Variants in TANGO6 observed in about 807,000 individuals in gnomAD.
TANGO6 encodes the protein transport and golgi organization 6 homolog.
In TANGO6, 90 loss-of-function variants were observed where a neutral mutation model predicts 114.2. That is an observed-to-expected ratio of 0.79 (90% CI 0.66 to 0.94). TANGO6 has a LOEUF of 0.94. TANGO6 is among the 40% of genes least tolerant of loss of function. The probability of loss-of-function intolerance (pLI) is 0.00; values close to 1 mark genes in which losing one functional copy is unlikely to be tolerated. For missense variants in TANGO6, 1,274 were observed against 1,315.3 expected (o/e 0.97, Z 0.49); for synonymous variants, 477 against 509.8 (o/e 0.94, Z 0.87).
chr16:69,076,796 G>A (rs1960386673), intron 17 of TANGO6, among the ~76,000 whole-genome samples: 1 of 152,132 alleles, frequency 6.6e-6, no homozygotes, highest in African/African-American at 2.4e-5. Flanking sequence ...AGATGCAAAT[G>A]CTCTGGCAAA....
chr16:68,861,053 C>T (rs1424819919), intron 2 of TANGO6, among the ~76,000 whole-genome samples: 3 of 152,182 alleles, frequency 2.0e-5, no homozygotes, highest in Admixed American at 6.5e-5. Flanking sequence ...TGCTGTCACT[C>T]AGTCCAGTAA....
At chr16:69,054,641 C>G (rs1416393618) in intron 17 of TANGO6, among the ~76,000 whole-genome samples, 2 of 151,978 alleles carry the variant, frequency 1.3e-5, no homozygotes, top group African/African-American at 2.4e-5. Flanking sequence ...AGTATCAAAA[C>G]TTTTGTTGCT....
chr16:68,867,370 C>A, intron 4 of TANGO6, 150 bp downstream of exon 4: 1 of 938,696 alleles, frequency 1.1e-6, no homozygotes, highest in Non-Finnish European at 1.6e-6. Context: ...AACTTAGAGG[C>A]CGTTAATGAG....
chr16:69,044,187 C>T (rs957259617), intron 17 of TANGO6, among the ~76,000 whole-genome samples: 10 of 152,162 alleles, frequency 6.6e-5, no homozygotes, highest in African/African-American at 2.4e-4. Flanking sequence ...GCTTCGGCCT[C>T]CCGAGTAGCT....
At chr16:68,971,734 C>G (rs977039772) in intron 14 of TANGO6, among the ~76,000 whole-genome samples, 7 of 151,720 alleles carry the variant, frequency 4.6e-5, no homozygotes, top group African/African-American at 1.7e-4. Flanking sequence ...GGGGTTCAAG[C>G]GATTCTCCTG....
At chr16:69,029,706 A>G (rs1198333072) in intron 16 of TANGO6, among the ~76,000 whole-genome samples, 1 of 152,180 alleles carries the variant, frequency 6.6e-6, no homozygotes, top group African/African-American at 2.4e-5. Context: ...AGGAGGTGAC[A>G]TTCTAGTAAA....
At chr16:68,865,011 CT>C (rs1173991090) in intron 3 of TANGO6, among the ~76,000 whole-genome samples, 1 of 151,316 alleles carries the variant, frequency 6.6e-6, no homozygotes, top group Non-Finnish European at 1.5e-5. Context: ...GGCGTGGTGG[CT>C]CACCCCTGTA....
chr16:68,925,834 C>A (rs1963159478), intron 12 of TANGO6, among the ~76,000 whole-genome samples: 2 of 149,508 alleles, frequency 1.3e-5, no homozygotes, highest in Admixed American at 1.3e-4. Flanking sequence ...CATGTGCATG[C>A]CAGTTGTTCC....
chr16:68,930,930 C>T (rs899797531), intron 14 of TANGO6, among the ~76,000 whole-genome samples: 1 of 152,208 alleles, frequency 6.6e-6, no homozygotes, highest in African/African-American at 2.4e-5. Flanking sequence ...AGCCACCACG[C>T]CCAGCCTCAA....
At chr16:69,046,119 G>A (rs1041433372) in intron 17 of TANGO6, among the ~76,000 whole-genome samples, 22 of 150,670 alleles carry the variant, frequency 1.5e-4, no homozygotes, top group Non-Finnish European at 2.1e-4. Context: ...CCACTCATTG[G>A]AGAACAGGAT....
At chr16:68,852,986 G>T (rs1313125428) in intron 1 of TANGO6, among the ~76,000 whole-genome samples, 1 of 151,544 alleles carries the variant, frequency 6.6e-6, no homozygotes, top group Non-Finnish European at 1.5e-5. Flanking sequence ...CTCTTTTTTT[G>T]ATGCGTTCAA....
Position 69,010,546 on chromosome 16 carries a change from C to T in TANGO6, c.2843-12282C>T, listed in dbSNP as rs1964134250. On this transcript the variant is annotated intron_variant, in intron 15 of 17. Transcript: ENST00000261778. ...ATACCATATATTTTGTCTCTCTACT[C>T]CTGCCACCACCTTGCCTCTGCTGTC... is the stretch of plus-strand genomic sequence containing the variant. Among the ~76,000 whole-genome samples, 3 of 152,254 alleles carry T rather than the reference C, an allele frequency of 2.0e-5. 1 individual carries two copies. Among genetic ancestry groups the T allele is most frequent in the South Asian group, 4.1e-4 (2 of 4,820 alleles).
chr16:69,073,970 A>C (rs1394729600), intron 17 of TANGO6, among the ~76,000 whole-genome samples: 10 of 151,754 alleles, frequency 6.6e-5, no homozygotes, highest in Admixed American at 5.3e-4. Flanking sequence ...TAAAAAAAAA[A>C]AAAAAAGGCA....
intron 17 of TANGO6, among the ~76,000 whole-genome samples, chr16:69,063,457 G>A (rs1035764972): frequency 2.0e-4 from 30 of 151,466 alleles, no homozygotes; most frequent in Admixed American, 1.8e-3. Flanking sequence ...CCCCGGGGGC[G>A]GAGATTGCAG....
chr16:68,989,607 G>A (rs1283961374), intron 15 of TANGO6, among the ~76,000 whole-genome samples: 1 of 151,978 alleles, frequency 6.6e-6, no homozygotes, highest in East Asian at 1.9e-4. Flanking sequence ...TTTCAGTGTT[G>A]GCCACTGTTG....
In TANGO6 at chr16:68,907,566, C is replaced by A. The variant is rs1456421192; in HGVS notation, c.1791C>A (p.Phe597Leu). ...GTTTGGCAGGAGACTTCTTCATCTT[C>A]TGTTTGAAAGTAAGAACTACCTGTA... ...ECGLAGDFFI[F>L]CLKELTHVAS... Residue 597 changes from phenylalanine (F) to leucine (L), a missense_variant, in exon 10 of 18, where the codon TTC becomes TTA. Phe to Leu is a conservative substitution (Grantham distance 22). Transcript: ENST00000261778. The A allele has an allele frequency of 1.9e-6, 3 of 1,612,460 alleles. No individual in the cohort carries two copies. The highest frequency in any genetic ancestry group is 2.5e-6 in the Non-Finnish European group (3 of 1,179,370).
chr16:68,957,908 A>G (rs1963549763), intron 14 of TANGO6, among the ~76,000 whole-genome samples: 1 of 152,180 alleles, frequency 6.6e-6, no homozygotes. Flanking sequence ...GCAGTGGCTC[A>G]CACCTGTAAT....
intron 17 of TANGO6, among the ~76,000 whole-genome samples, chr16:69,063,781 T>TTTCTTCTTCTTCTTC (rs575958202): frequency 0.011 from 1,273 of 115,338 alleles, 28 homozygotes; most frequent in African/African-American, 0.033. Context: ...TAGCCATACT[T>TTTCTTCTTCTTCTTC]TTCTTCTTCT....
At chr16:69,018,520 T>C (rs888938168) in intron 15 of TANGO6, among the ~76,000 whole-genome samples, 1 of 151,942 alleles carries the variant, frequency 6.6e-6, no homozygotes, top group Non-Finnish European at 1.5e-5. Context: ...ATCAGACCAT[T>C]TAAGTTTGAT....
Sources: allele counts gnomAD v4.1 joint callset (sites outside exome capture counted in the v4.1 genomes callset), GRCh38; gene constraint gnomAD v4.1.1; transcripts MANE v1.5; gene names NCBI Gene and HGNC (gene_info 2026-07-23, HGNC 2026-07-21).